Variants in KALRN observed in about 807,000 individuals in gnomAD.
The protein encoded by KALRN is kalirin RhoGEF kinase.
KALRN carries 70 observed loss-of-function variants against 353.7 expected under a neutral mutation model. The observed-to-expected ratio is 0.20, with a 90% CI of 0.16 to 0.24. KALRN has a LOEUF of 0.24. KALRN is among the 10% of genes least tolerant of loss of function. KALRN has a pLI of 1.00. For missense variants in KALRN, 2,791 were observed against 3,756.7 expected (o/e 0.74, Z 6.72); for synonymous variants, 1,391 against 1,434.8 (o/e 0.97, Z 0.69).
At chr3:124,478,918 C>T (rs3755675) in intron 27 of KALRN, among the ~76,000 whole-genome samples, 2,526 of 152,318 alleles carry the variant, frequency 0.017, 81 homozygotes, top group East Asian at 0.082. Flanking sequence ...CACACAAACA[C>T]ACACACCCTT....
intron 13 of KALRN, among the ~76,000 whole-genome samples, chr3:124,411,899 A>G (rs118067153): frequency 0.012 from 1,845 of 152,222 alleles, 31 homozygotes; most frequent in East Asian, 0.077. Context: ...ATGCCCCACA[A>G]TAAGTAATAC....
chr3:124,295,435 C>T (rs543435832), intron 5 of KALRN, among the ~76,000 whole-genome samples: 7 of 152,186 alleles, frequency 4.6e-5, no homozygotes, highest in Non-Finnish European at 7.3e-5. Flanking sequence ...ACAGTTCCTT[C>T]AGCACTCTCA....
chr3:124,634,718 A>T (rs995079632), intron 36 of KALRN, among the ~76,000 whole-genome samples: 17 of 151,968 alleles, frequency 1.1e-4, no homozygotes, highest in Admixed American at 1.0e-3. Context: ...TTTCTGCCTT[A>T]AGTGTTGCTG....
At chr3:124,581,375 AGAGT>A (rs1441155397) in intron 34 of KALRN, among the ~76,000 whole-genome samples, 1 of 139,550 alleles carries the variant, frequency 7.2e-6, no homozygotes, top group Non-Finnish European at 1.5e-5. Flanking sequence ...CCTGGGTGAC[AGAGT>A]GAGACTCTGC....
At chr3:124,539,342 AG>A (rs1271705034) in intron 33 of KALRN, among the ~76,000 whole-genome samples, 1 of 152,198 alleles carries the variant, frequency 6.6e-6, no homozygotes, top group African/African-American at 2.4e-5. Flanking sequence ...CCTCTGAGGG[AG>A]ATAGACCACA....
At chr3:124,401,335 T>C (rs1377991671) in intron 13 of KALRN, among the ~76,000 whole-genome samples, 2 of 151,858 alleles carry the variant, frequency 1.3e-5, no homozygotes, top group East Asian at 3.9e-4. Context: ...TGAAACTCCA[T>C]CTCCACCAAA....
intron 3 of KALRN, among the ~76,000 whole-genome samples, chr3:124,262,499 C>T (rs899100389): frequency 1.3e-5 from 2 of 152,188 alleles, no homozygotes; most frequent in Admixed American, 6.5e-5. Context: ...TGGAAAGCTT[C>T]GGCCACTCAT....
At chr3:124,163,670 G>A (rs1280565605) in intron 1 of KALRN, 7 of 984,448 alleles carry the variant, frequency 7.1e-6, no homozygotes, top group South Asian at 9.4e-5. Flanking sequence ...AAGAATAAAT[G>A]TATAAATATT....
At chr3:124,389,609 A>G (rs2089005433) in intron 11 of KALRN, among the ~76,000 whole-genome samples, 1 of 152,232 alleles carries the variant, frequency 6.6e-6, no homozygotes. Context: ...GATTTCGTTA[A>G]ACAAATCATA....
intron 5 of KALRN, among the ~76,000 whole-genome samples, chr3:124,271,613 G>A (rs2074176276): frequency 6.6e-6 from 1 of 152,238 alleles, no homozygotes; most frequent in South Asian, 2.1e-4. Context: ...CAGGGCCAGT[G>A]TTTTAATCTG....
intron 34 of KALRN, among the ~76,000 whole-genome samples, chr3:124,594,643 G>A (rs773837301): frequency 6.6e-6 from 1 of 152,208 alleles, no homozygotes; most frequent in Non-Finnish European, 1.5e-5. Flanking sequence ...CCTGGGAAGA[G>A]TCCTGGGTTA....
chr3:124,217,016 T>G (rs2077402763), intron 1 of KALRN, among the ~76,000 whole-genome samples: 1 of 152,246 alleles, frequency 6.6e-6, no homozygotes, highest in African/African-American at 2.4e-5. Flanking sequence ...TCTTCTCTTC[T>G]TACTGCTTTT....
intron 14 of KALRN, among the ~76,000 whole-genome samples, chr3:124,414,394 C>T (rs1443808119): frequency 1.3e-5 from 2 of 152,206 alleles, no homozygotes; most frequent in Non-Finnish European, 2.9e-5. Flanking sequence ...CCTAAGCTAT[C>T]TCCTTGTCTC....
intron 1 of KALRN, among the ~76,000 whole-genome samples, chr3:124,227,681 T>G (rs1445369739): frequency 3.9e-4 from 18 of 46,704 alleles, no homozygotes; most frequent in Admixed American, 1.4e-3. Context: ...TTTTTTTTTT[T>G]TTTTTTTTTT....
At chr3:124,685,293 G>A (rs1341900890) in intron 51 of KALRN, among the ~76,000 whole-genome samples, 1 of 152,094 alleles carries the variant, frequency 6.6e-6, no homozygotes, top group Non-Finnish European at 1.5e-5. Flanking sequence ...AGAGAAGGGA[G>A]CTGAGCTTAG....
chr3:124,192,666 C>T (rs77598506), intron 1 of KALRN, among the ~76,000 whole-genome samples: 4,949 of 151,932 alleles, frequency 0.033, 109 homozygotes, highest in Middle Eastern at 0.051. Context: ...TATGTACCCA[C>T]AAAAATAAAA....
chr3:124,411,191 G>C (rs2092117667), intron 13 of KALRN, among the ~76,000 whole-genome samples: 1 of 152,100 alleles, frequency 6.6e-6, no homozygotes, highest in South Asian at 2.1e-4. Context: ...CCTAGTTGTG[G>C]GTTGGGAAGG....
rs1224611614 is a variant in KALRN, at chr3:124,496,006, TATATATACAC to T, written c.4833-303_4833-294del. 4.9e-4 allele frequency among the ~76,000 whole-genome samples: 27 copies of T among 54,952 alleles called. 3 individuals carry two copies. The highest frequency in any genetic ancestry group is 3.1e-3 in the Admixed American group (14 of 4,452). 36.1% of individuals were successfully genotyped at this position (54,952 alleles called of 152,430 possible). The stretch of plus-strand genomic sequence containing the variant: ...ATATATATATATATATATATATATA[TATATATACAC>T]ACACATATATACATACATACACCCC... On this transcript the variant is annotated intron_variant, in intron 32 of 59. Coordinates refer to ENST00000682506, the MANE Select transcript of KALRN (RefSeq NM_001388419.1).
At chr3:124,335,137 G>A (rs1409082673) in intron 9 of KALRN, among the ~76,000 whole-genome samples, 1 of 152,094 alleles carries the variant, frequency 6.6e-6, no homozygotes, top group African/African-American at 2.4e-5. Flanking sequence ...GGCAATGATT[G>A]CTAGACAGCT....
Sources: gnomAD v4.1 joint callset for allele counts (sites outside exome capture counted in the v4.1 genomes callset) on GRCh38, gnomAD v4.1.1 for gene constraint, MANE v1.5 for transcripts, NCBI Gene and HGNC (gene_info 2026-07-23, HGNC 2026-07-21) for gene names.